The following THSD4 variants were observed in gnomAD, a reference collection of about 807,000 sequenced individuals.
THSD4 encodes thrombospondin type 1 domain containing 4.
THSD4 carries 69 observed loss-of-function variants against 119.0 expected under a neutral mutation model. The ratio of observed to expected loss-of-function variants is 0.58; its 90% confidence interval spans 0.48 to 0.71. THSD4 has a LOEUF of 0.71. Among genes scored for constraint, THSD4 ranks in the 30% least tolerant of loss-of-function variants. THSD4 has a pLI of 0.00. For synonymous variants in THSD4, 524 were observed against 540.4 expected, an observed-to-expected ratio of 0.97 and a Z score of 0.42; for missense variants, 1,393 against 1,391.1, an observed-to-expected ratio of 1.00 and a Z score of -0.02.
In THSD4 at chr15:71,246,326, C is replaced by G. The variant is rs140851405; in HGVS notation, c.912+3230C>G. ...AGGAATGGAGTAAGATCTCCCCTAT[C>G]TGAACATCTTCCAGGTTCTCAGTGG... On this transcript the variant is annotated intron_variant, in intron 5 of 17. Coordinates refer to ENST00000261862, the MANE Select transcript of THSD4 (RefSeq NM_024817.3). Among the ~76,000 whole-genome samples, 299 of 152,286 alleles carry G rather than the reference C, an allele frequency of 2.0e-3. 3 individuals carry two copies. The highest frequency in any genetic ancestry group is 0.013 in the Admixed American group (202 of 15,294).
At position 71,652,466 on chromosome 15, in the gene THSD4, C is replaced by T. The variant is rs1681676031; in HGVS notation, c.1153-8064C>T. ...ATCACTGTCAAAAGCTATTTCAGGC[C>T]TCTCTCCTCCTTCCCCCATTTCAAT... On this transcript the variant is annotated intron_variant, in intron 7 of 17. Transcript: ENST00000261862. 2.0e-5 allele frequency among the ~76,000 whole-genome samples: 3 copies of T among 152,150 alleles called. No homozygotes were observed. The South Asian group carries it at 6.2e-4, about 32-fold the overall frequency.
intron 6 of THSD4, among the ~76,000 whole-genome samples, chr15:71,329,848 A>C (rs1374347209): frequency 2.0e-5 from 3 of 152,212 alleles, no homozygotes; most frequent in African/African-American, 7.2e-5. Flanking sequence ...TAGGAGGCCA[A>C]GGTGGGTGAA....
intron 6 of THSD4, among the ~76,000 whole-genome samples, chr15:71,373,879 T>C (rs1191514595): frequency 6.6e-6 from 1 of 152,234 alleles, no homozygotes; most frequent in African/African-American, 2.4e-5. Flanking sequence ...ACACAAATGC[T>C]GCATGATGGT....
chr15:71,139,918 GT>G (rs1330340842), intron 1 of THSD4, among the ~76,000 whole-genome samples: 1 of 152,236 alleles, frequency 6.6e-6, no homozygotes, highest in Non-Finnish European at 1.5e-5. Context: ...GCCATGTTCT[GT>G]TTTATTCTCT....
chr15:71,412,797 A>C (rs2046707343), intron 7 of THSD4, among the ~76,000 whole-genome samples: 1 of 152,202 alleles, frequency 6.6e-6, no homozygotes, highest in Non-Finnish European at 1.5e-5. Context: ...AACATAAAGC[A>C]GGATTGATAT....
At chr15:71,429,399 T>C (rs2046914100) in intron 7 of THSD4, among the ~76,000 whole-genome samples, 1 of 152,148 alleles carries the variant, frequency 6.6e-6, no homozygotes, top group Admixed American at 6.5e-5. Flanking sequence ...AAATACTGAA[T>C]AGGACCAGAA....
chr15:71,718,979 T>C (rs1033053296), intron 8 of THSD4, among the ~76,000 whole-genome samples: 2 of 152,228 alleles, frequency 1.3e-5, no homozygotes, highest in African/African-American at 4.8e-5. Flanking sequence ...ACCAGTTTAT[T>C]TTCTTATTAT....
Position 71,644,215 on chromosome 15 carries a change from T to G in THSD4, c.1153-16315T>G, listed in dbSNP as rs572430165. 8.5e-5 allele frequency among the ~76,000 whole-genome samples: 13 copies of G among 152,322 alleles called. No individual in the cohort carries two copies. In the South Asian group the frequency reaches 1.7e-3, roughly 19 times the overall value. ...ATGATCTCTATGTTTTCTTCTGTTC[T>G]AAGAGTCTATGATTCTAGCATTCTA... On this transcript the variant is annotated intron_variant, in intron 7 of 17. Transcript: ENST00000261862.
intron 7 of THSD4, among the ~76,000 whole-genome samples, chr15:71,507,231 C>A (rs2048204493): frequency 6.6e-6 from 1 of 152,112 alleles, no homozygotes; most frequent in African/African-American, 2.4e-5. Flanking sequence ...TGCCCCAGCA[C>A]CTGCAAGCCA....
intron 8 of THSD4, among the ~76,000 whole-genome samples, chr15:71,666,577 A>G (rs1164548119): frequency 6.6e-6 from 1 of 152,206 alleles, no homozygotes; most frequent in Non-Finnish European, 1.5e-5. Flanking sequence ...AACACTGGAC[A>G]TTATTTATTA....
intron 6 of THSD4, among the ~76,000 whole-genome samples, chr15:71,313,185 T>C (rs2045136327): frequency 6.6e-6 from 1 of 152,234 alleles, no homozygotes; most frequent in Non-Finnish European, 1.5e-5. Flanking sequence ...ACAGTTCACT[T>C]CTACTTTATT....
At chr15:71,388,371 A>G (rs2046320282) in intron 6 of THSD4, among the ~76,000 whole-genome samples, 1 of 152,304 alleles carries the variant, frequency 6.6e-6, no homozygotes, top group South Asian at 2.1e-4. Flanking sequence ...AGTAATGGGG[A>G]ACACAGCAAC....
chr15:71,388,758 T>C (rs1408788764), intron 6 of THSD4, among the ~76,000 whole-genome samples: 11 of 151,554 alleles, frequency 7.3e-5, no homozygotes, highest in Admixed American at 3.9e-4. Context: ...TTTAAAAAAA[T>C]TGTGATAATA....
chr15:71,113,604 T>G (rs2040323717), upstream of THSD4: 1 of 152,256 alleles, frequency 6.6e-6, no homozygotes, highest in Non-Finnish European at 1.5e-5. Context: ...TACTCCTGTA[T>G]GAGCTCTTAA....
intron 7 of THSD4, among the ~76,000 whole-genome samples, chr15:71,451,956 G>A (rs567248899): frequency 2.6e-5 from 4 of 152,264 alleles, no homozygotes; most frequent in African/African-American, 9.6e-5. Flanking sequence ...TCACAGGGAG[G>A]CGACTCTTGG....
intron 16 of THSD4, among the ~76,000 whole-genome samples, chr15:71,765,735 C>T (rs1595930439): frequency 6.6e-6 from 1 of 152,120 alleles, no homozygotes; most frequent in South Asian, 2.1e-4. Flanking sequence ...GAACCCATCT[C>T]TGAAAAACAT....
In THSD4 at chr15:71,747,046, C is replaced by G; in HGVS notation, c.2241+4C>G. On this transcript the variant is annotated splice_donor_region_variant and intron_variant, in intron 13 of 17. Coordinates refer to ENST00000261862, the MANE Select transcript of THSD4 (RefSeq NM_024817.3). ...GATCCGGACCGACTGGACCTCGGTACGCAGGCAGGGCAGCCCGCTCTGCAG... is the reference window on the plus strand; with the variant it reads ...GATCCGGACCGACTGGACCTCGGTAGGCAGGCAGGGCAGCCCGCTCTGCAG... 1.3e-6 allele frequency: 2 copies of G among 1,598,526 alleles called. No homozygotes were observed. Among genetic ancestry groups the G allele is most frequent in the Non-Finnish European group, 1.7e-6 (2 of 1,175,160 alleles).
intron 7 of THSD4, among the ~76,000 whole-genome samples, chr15:71,640,980 GACACACACACAC>G (rs10551548): frequency 3.4e-5 from 5 of 146,720 alleles, no homozygotes; most frequent in African/African-American, 1.3e-4. Flanking sequence ...CCCACCTACA[GACACACACACAC>G]ACACACACAC....
intron 7 of THSD4, among the ~76,000 whole-genome samples, chr15:71,631,332 T>C (rs2050625387): frequency 6.6e-6 from 1 of 152,186 alleles, no homozygotes; most frequent in Non-Finnish European, 1.5e-5. Context: ...AGGGAGGATT[T>C]CATGACCTCC....
Sources: gnomAD v4.1 joint callset for allele counts (sites outside exome capture counted in the v4.1 genomes callset) on GRCh38, gnomAD v4.1.1 for gene constraint, MANE v1.5 for transcripts, NCBI Gene and HGNC (gene_info 2026-07-23, HGNC 2026-07-21) for gene names.